PDSS2: variants seen among roughly 807,000 people sequenced by gnomAD.
The protein encoded by PDSS2 is all trans-polyprenyl-diphosphate synthase PDSS2.
In PDSS2, 31 loss-of-function variants were observed where a neutral mutation model predicts 44.5. That is an observed-to-expected ratio of 0.70 (90% CI 0.52 to 0.94). The LOEUF (loss-of-function observed/expected upper bound fraction) is 0.94. Ranked by LOEUF, PDSS2 falls within the 40% of genes least tolerant of loss-of-function variation. The probability of loss-of-function intolerance (pLI) is 0.00; values close to 1 mark genes in which losing one functional copy is unlikely to be tolerated. For missense variants in PDSS2, 452 were observed against 482.2 expected, an observed-to-expected ratio of 0.94 and a Z score of 0.59; for synonymous variants, 157 against 180.3, an observed-to-expected ratio of 0.87 and a Z score of 1.03.
intron 4 of PDSS2, among the ~76,000 whole-genome samples, chr6:107,244,557 A>C (rs1774547278): frequency 6.6e-6 from 1 of 152,214 alleles, no homozygotes; most frequent in South Asian, 2.1e-4. Flanking sequence ...TGTGCCTACT[A>C]GGAACTGTGG....
chr6:107,453,261 G>A (rs903161197), intron 1 of PDSS2, among the ~76,000 whole-genome samples: 2 of 151,874 alleles, frequency 1.3e-5, no homozygotes, highest in Non-Finnish European at 2.9e-5. Context: ...CACTGCACCC[G>A]GCCGTGATAT....
intron 7 of PDSS2, among the ~76,000 whole-genome samples, chr6:107,174,203 G>A (rs1771707583): frequency 6.6e-6 from 1 of 152,174 alleles, no homozygotes; most frequent in African/African-American, 2.4e-5. Context: ...CCTGGAGGAA[G>A]GGAGGATATA....
intron 3 of PDSS2, among the ~76,000 whole-genome samples, chr6:107,249,230 C>T (rs571733370): frequency 5.8e-4 from 89 of 152,322 alleles, no homozygotes; most frequent in African/African-American, 2.0e-3. Flanking sequence ...TTAACTTATT[C>T]TTCTTCCATA....
intron 1 of PDSS2, among the ~76,000 whole-genome samples, chr6:107,419,554 C>T (rs752966629): frequency 6.6e-6 from 1 of 152,126 alleles, no homozygotes; most frequent in Non-Finnish European, 1.5e-5. Flanking sequence ...GATATTTAGT[C>T]TTTGAATTTT....
rs146018558 is a variant in PDSS2, at chr6:107,384,452, C to A, written c.297-50120G>T. Among the ~76,000 whole-genome samples the A allele has an allele frequency of 7.9e-3, 1,207 of 152,152 alleles. 48 individuals carry two copies. In the East Asian group the frequency reaches 0.12, roughly 15 times the overall value. ...AGTCAGGAGTTCGAGACCAGCCTGG[C>A]CAACATGGTGAAACCCTGTTTCTAT... On this transcript the variant is annotated intron_variant, in intron 1 of 7. Transcript: ENST00000369037.
intron 7 of PDSS2, among the ~76,000 whole-genome samples, chr6:107,192,798 A>G (rs77263378): frequency 3.9e-5 from 6 of 151,990 alleles, no homozygotes; most frequent in African/African-American, 7.2e-5. Flanking sequence ...AAAAAAAAAA[A>G]AGAGAGACTT....
chr6:107,166,718 G>A (rs1236499420), intron 7 of PDSS2, among the ~76,000 whole-genome samples: 1 of 152,150 alleles, frequency 6.6e-6, no homozygotes, highest in African/African-American at 2.4e-5. Context: ...GGCCTTTTCT[G>A]CATCTATTGA....
At chr6:107,176,682 A>C (rs1318206174) in intron 7 of PDSS2, among the ~76,000 whole-genome samples, 3 of 152,188 alleles carry the variant, frequency 2.0e-5, no homozygotes. Context: ...GCTGAACACA[A>C]CGCAACAGCT....
intron 2 of PDSS2, among the ~76,000 whole-genome samples, chr6:107,289,518 G>A (rs1414033088): frequency 1.3e-5 from 2 of 151,822 alleles, no homozygotes; most frequent in African/African-American, 2.4e-5. Flanking sequence ...TGGGCAACAC[G>A]GCGAAACTAT....
chr6:107,433,909 C>T lies in PDSS2; in HGVS notation c.296+25081G>A, dbSNP rs1224031327. 3.3e-5 allele frequency among the ~76,000 whole-genome samples: 5 copies of T among 152,208 alleles called. No individual in the cohort carries two copies. The East Asian group carries it at 9.6e-4, about 29-fold the overall frequency. Reference sequence around the variant, plus strand: ...ATTAATAACAAGAATATACAAGGGGCTCAAACAACTTGAAGGGAAAAATAA... The same window carrying T: ...ATTAATAACAAGAATATACAAGGGGTTCAAACAACTTGAAGGGAAAAATAA... On this transcript the variant is annotated intron_variant, in intron 1 of 7. Coordinates refer to ENST00000369037, the MANE Select transcript of PDSS2 (RefSeq NM_020381.4).
chr6:107,340,410 G>A (rs1348194774), intron 1 of PDSS2, among the ~76,000 whole-genome samples: 1 of 152,148 alleles, frequency 6.6e-6, no homozygotes, highest in African/African-American at 2.4e-5. Context: ...AGTTCTCACT[G>A]CATCATATCC....
chr6:107,393,370 T>G lies in PDSS2; in HGVS notation c.297-59038A>C, dbSNP rs1206423422. ...CTGTTTTCAGTCAGGGAATACATTC[T>G]GTGATTTCAAAACTTTTAAATTATT... On this transcript the variant is annotated intron_variant, in intron 1 of 7. Transcript: ENST00000369037. Among the ~76,000 whole-genome samples, 3 of 152,176 alleles carry G rather than the reference T, an allele frequency of 2.0e-5. No homozygotes were observed. The East Asian group carries it at 5.8e-4, about 29-fold the overall frequency.
At chr6:107,190,930 C>T (rs1229451564) in intron 7 of PDSS2, among the ~76,000 whole-genome samples, 4 of 151,974 alleles carry the variant, frequency 2.6e-5, no homozygotes, top group South Asian at 4.1e-4. Flanking sequence ...CTTGCTCTGT[C>T]GCCCAGGCTG....
In PDSS2 at chr6:107,163,262, G is replaced by A. The variant is rs1381319807; in HGVS notation, c.1042-8485C>T. 2.0e-5 allele frequency among the ~76,000 whole-genome samples: 3 copies of A among 152,280 alleles called. No homozygotes were observed. The South Asian group carries it at 6.2e-4, about 32-fold the overall frequency. On this transcript the variant is annotated intron_variant, in intron 7 of 7. Coordinates refer to ENST00000369037, the MANE Select transcript of PDSS2 (RefSeq NM_020381.4). ...CAGATTAGGGCAAAAGAGCAACCAG[G>A]AGGACATCACAGTCCTAGAGGATTT...
In PDSS2 at chr6:107,364,425, A is replaced by T. The variant is rs186020732; in HGVS notation, c.297-30093T>A. Reference sequence around the variant, plus strand: ...GCTAAGGCCCGGCGAGAAATCGAGCACAGCGCCAGTGGGCCGGCACTGCTG... The same window carrying T: ...GCTAAGGCCCGGCGAGAAATCGAGCTCAGCGCCAGTGGGCCGGCACTGCTG... On this transcript the variant is annotated intron_variant, in intron 1 of 7. Coordinates refer to ENST00000369037, the MANE Select transcript of PDSS2 (RefSeq NM_020381.4). Among the ~76,000 whole-genome samples the T allele has an allele frequency of 6.9e-3, 1,035 of 149,318 alleles. 5 individuals carry two copies. Among genetic ancestry groups the T allele is most frequent in the African/African-American group, 0.014 (556 of 39,988 alleles).
chr6:107,442,442 C>CA (rs1159023241), intron 1 of PDSS2, among the ~76,000 whole-genome samples: 1 of 151,926 alleles, frequency 6.6e-6, no homozygotes, highest in Non-Finnish European at 1.5e-5. Flanking sequence ...AAACAAAAAA[C>CA]AAAAAACAAA....
At chr6:107,421,807 A>ACCACAC (rs150765828) in intron 1 of PDSS2, among the ~76,000 whole-genome samples, 1 of 146,114 alleles carries the variant, frequency 6.8e-6, no homozygotes. Context: ...AATTTCACAG[A>ACCACAC]ACACACACAC....
At chr6:107,211,692 A>G (rs980157396) in intron 5 of PDSS2, among the ~76,000 whole-genome samples, 6 of 148,324 alleles carry the variant, frequency 4.0e-5, no homozygotes, top group African/African-American at 1.0e-4. Flanking sequence ...CTGAGATTGC[A>G]CCACTGCACT....
intron 2 of PDSS2, among the ~76,000 whole-genome samples, chr6:107,314,516 A>G (rs1777142023): frequency 6.6e-6 from 1 of 152,212 alleles, no homozygotes; most frequent in Non-Finnish European, 1.5e-5. Flanking sequence ...CTATCAATAC[A>G]TATTATGCCA....
Sources: allele counts gnomAD v4.1 joint callset (sites outside exome capture counted in the v4.1 genomes callset), GRCh38; gene constraint gnomAD v4.1.1; transcripts MANE v1.5; gene names NCBI Gene and HGNC (gene_info 2026-07-23, HGNC 2026-07-21).